CACUL1: variants seen among roughly 807,000 people sequenced by gnomAD.
CACUL1 encodes CDK2 associated cullin domain 1.
In CACUL1, 13 loss-of-function variants were observed where a neutral mutation model predicts 45.2. The ratio of observed to expected loss-of-function variants is 0.29; its 90% CI spans 0.19 to 0.46. The LOEUF is 0.46. Among genes scored for constraint, CACUL1 ranks in the 20% least tolerant of loss-of-function variants. The probability of loss-of-function intolerance (pLI) is 1.00; values close to 1 mark genes in which losing one functional copy is unlikely to be tolerated. For synonymous variants in CACUL1, 197 were observed against 174.2 expected, an observed-to-expected ratio of 1.13 and a Z score of -1.03; for missense variants, 421 against 471.4, an observed-to-expected ratio of 0.89 and a Z score of 0.99.
At chr10:118,745,578 C>T (rs1348824636) in intron 1 of CACUL1, among the ~76,000 whole-genome samples, 1 of 151,478 alleles carries the variant, frequency 6.6e-6, no homozygotes, top group African/African-American at 2.4e-5. Context: ...AAAATGGAGA[C>T]AGGAAAAAAG....
chr10:118,753,929 C>T (rs1845925183), intron 1 of CACUL1, among the ~76,000 whole-genome samples: 1 of 152,192 alleles, frequency 6.6e-6, no homozygotes, highest in Admixed American at 6.5e-5. Context: ...TTGTTTAACA[C>T]AGCCTGGCCA....
At chr10:118,739,266 T>C (rs1161970789) in intron 1 of CACUL1, among the ~76,000 whole-genome samples, 1 of 151,580 alleles carries the variant, frequency 6.6e-6, no homozygotes, top group East Asian at 1.9e-4. Flanking sequence ...AGAAAGGGGA[T>C]GTAGCAAAAT....
intron 3 of CACUL1, among the ~76,000 whole-genome samples, chr10:118,722,080 C>CTTTTTTTTTTTT (rs11358147): frequency 2.8e-5 from 4 of 140,518 alleles, no homozygotes; most frequent in Non-Finnish European, 4.6e-5. Flanking sequence ...CAGAAACAAA[C>CTTTTTTTTTTTT]TTTTTTTTTT....
intron 3 of CACUL1, among the ~76,000 whole-genome samples, chr10:118,721,633 C>A (rs766731094): frequency 6.6e-6 from 1 of 152,034 alleles, no homozygotes; most frequent in Non-Finnish European, 1.5e-5. Flanking sequence ...GTAATATCGG[C>A]GCTAATCTTC....
intron 1 of CACUL1, among the ~76,000 whole-genome samples, 173 bp from the exon 2 acceptor site, chr10:118,730,583 G>C (rs10510047): frequency 1.1e-4 from 17 of 152,106 alleles, no homozygotes; most frequent in African/African-American, 3.6e-4. Flanking sequence ...CCTGGTCAAG[G>C]ATGTTAAGCA....
At chr10:118,695,089 G>A (rs376898192) in intron 6 of CACUL1, 52 bp downstream of exon 6, 2 of 1,127,304 alleles carry the variant, frequency 1.8e-6, no homozygotes, top group Non-Finnish European at 2.7e-6. Flanking sequence ...TGCCCTCTTG[G>A]AAAAGGCTGT....
At chr10:118,745,516 G>A (rs535556089) in intron 1 of CACUL1, among the ~76,000 whole-genome samples, 33 of 152,062 alleles carry the variant, frequency 2.2e-4, no homozygotes, top group African/African-American at 7.0e-4. Context: ...AGCCGAGATC[G>A]TGCCACTGCA....
Position 118,740,122 on chromosome 10 carries a change from G to A in CACUL1, c.368-9712C>T, listed in dbSNP as rs140684803. ...AGATCACACCACTGCACTCCAGCCT[G>A]GGCGACAGAGCGGGACTCTGTCTCA... On this transcript the variant is annotated intron_variant, in intron 1 of 8. Coordinates refer to ENST00000369151, the MANE Select transcript of CACUL1 (RefSeq NM_153810.5). 1.4e-4 allele frequency among the ~76,000 whole-genome samples: 22 copies of A among 152,298 alleles called. No individual in the cohort carries two copies. The East Asian group carries it at 2.9e-3, about 20-fold the overall frequency.
chr10:118,730,123 A>C (rs1564836632), intron 2 of CACUL1, among the ~76,000 whole-genome samples, 161 bp downstream of exon 2: 1 of 152,216 alleles, frequency 6.6e-6, no homozygotes, highest in Non-Finnish European at 1.5e-5. Flanking sequence ...TGAATCAAAA[A>C]GTATAAACCA....
At position 118,686,601 on chromosome 10, in the gene CACUL1, A is replaced by G. The variant is rs1298118209; in HGVS notation, c.1066T>C (p.Tyr356His). The part of the protein sequence containing the change: ...SRKRAGDELA[Y>H]NSSSACASSR... ...GGGAAGGAACATCATTACTTACTATAAGCCAACTCATCCCCAGCTCTCTTC... is the reference window on the plus strand; with the variant it reads ...GGGAAGGAACATCATTACTTACTATGAGCCAACTCATCCCCAGCTCTCTTC... The change falls in exon 8 of 9, where the codon TAT becomes CAT. Residue 356 changes from tyrosine to histidine, a missense_variant. Tyr to His is a moderately conservative substitution (Grantham distance 83). Coordinates refer to ENST00000369151, the MANE Select transcript of CACUL1 (RefSeq NM_153810.5). 5 of 1,612,342 alleles carry G rather than the reference A, an allele frequency of 3.1e-6. No individual in the cohort carries two copies. The highest frequency in any genetic ancestry group is 8.5e-7 in the Non-Finnish European group (1 of 1,178,482).
chr10:118,718,022 C>A (rs1845564073), intron 3 of CACUL1, among the ~76,000 whole-genome samples: 1 of 152,110 alleles, frequency 6.6e-6, no homozygotes, highest in African/African-American at 2.4e-5. Context: ...TAGAACCTAC[C>A]CAGATTCAAA....
At chr10:118,727,285 G>C (rs913135972) in intron 3 of CACUL1, among the ~76,000 whole-genome samples, 10 of 151,688 alleles carry the variant, frequency 6.6e-5, no homozygotes, top group African/African-American at 2.4e-4. Flanking sequence ...GCCAGCAACT[G>C]GGGAGGCTGG....
At chr10:118,711,131 G>A (rs1165129865) in intron 3 of CACUL1, among the ~76,000 whole-genome samples, 1 of 152,238 alleles carries the variant, frequency 6.6e-6, no homozygotes, top group African/African-American at 2.4e-5. Flanking sequence ...CCAAGCTGCA[G>A]TGCAATGGCA....
intron 1 of CACUL1, among the ~76,000 whole-genome samples, chr10:118,749,392 C>A (rs934262481): frequency 1.1e-4 from 16 of 152,076 alleles, no homozygotes; most frequent in Non-Finnish European, 2.2e-4. Context: ...ACCATGATAT[C>A]CTTAGGAAAA....
intron 4 of CACUL1, among the ~76,000 whole-genome samples, chr10:118,702,464 G>C (rs995159460): frequency 1.3e-5 from 2 of 152,070 alleles, no homozygotes; most frequent in Non-Finnish European, 2.9e-5. Flanking sequence ...TATTTCTGGA[G>C]TTTTATTATA....
chr10:118,695,071 A>G, intron 6 of CACUL1, 70 bp downstream of exon 6: 1 of 954,528 alleles, frequency 1.0e-6, no homozygotes. Flanking sequence ...AAACACATAC[A>G]GAACCACTGC....
At chr10:118,696,190 C>A (rs1255408354) in intron 5 of CACUL1, among the ~76,000 whole-genome samples, 2 of 152,166 alleles carry the variant, frequency 1.3e-5, no homozygotes, top group African/African-American at 4.8e-5. Context: ...ATTTTATCAT[C>A]AGTAGATAGT....
chr10:118,705,331 T>C (rs1845423288), intron 4 of CACUL1, among the ~76,000 whole-genome samples: 1 of 152,202 alleles, frequency 6.6e-6, no homozygotes, highest in Non-Finnish European at 1.5e-5. Flanking sequence ...CTGTAGTTTA[T>C]ATTCAATAAT....
intron 3 of CACUL1, among the ~76,000 whole-genome samples, chr10:118,727,873 G>A (rs900123650): frequency 1.3e-5 from 2 of 152,170 alleles, no homozygotes; most frequent in Non-Finnish European, 2.9e-5. Context: ...CTGGATTCAG[G>A]TAGAAATTCA....
Sources: gnomAD v4.1 joint callset for allele counts (sites outside exome capture counted in the v4.1 genomes callset) on GRCh38, gnomAD v4.1.1 for gene constraint, MANE v1.5 for transcripts, NCBI Gene and HGNC (gene_info 2026-07-23, HGNC 2026-07-21) for gene names.